The following DAB1 variants were observed in gnomAD, a reference collection of about 807,000 sequenced individuals.
DAB1 encodes the protein DAB adaptor protein 1.
DAB1 carries 15 observed loss-of-function variants against 64.6 expected under a neutral mutation model. That is an observed-to-expected ratio of 0.23 (90% CI 0.16 to 0.36). The LOEUF is 0.36. Ranked by LOEUF, DAB1 falls within the 10% of genes least tolerant of loss-of-function variation. The pLI is 1.00. For synonymous variants in DAB1, 235 were observed against 251.9 expected, an observed-to-expected ratio of 0.93 and a Z score of 0.64; for missense variants, 596 against 706.7, an observed-to-expected ratio of 0.84 and a Z score of 1.78.
At chr1:57,572,794 C>A (rs1570639470) in intron 7 of DAB1, among the ~76,000 whole-genome samples, 1 of 152,162 alleles carries the variant, frequency 6.6e-6, no homozygotes. Flanking sequence ...TCTAGGGAGG[C>A]CTCAGGAGGC....
chr1:57,503,213 G>A (rs1263822270), intron 7 of DAB1, among the ~76,000 whole-genome samples: 1 of 152,244 alleles, frequency 6.6e-6, no homozygotes, highest in Non-Finnish European at 1.5e-5. Context: ...ATAGGGTACT[G>A]TAGCCAAACT....
chr1:57,701,690 T>C (rs1646910134), intron 6 of DAB1, among the ~76,000 whole-genome samples: 1 of 150,626 alleles, frequency 6.6e-6, no homozygotes, highest in Admixed American at 6.6e-5. Flanking sequence ...ACTTAAAGTA[T>C]AATAATAATA....
chr1:57,149,891 C>T (rs1158510121), intron 2 of DAB1, among the ~76,000 whole-genome samples: 1 of 152,112 alleles, frequency 6.6e-6, no homozygotes, highest in Non-Finnish European at 1.5e-5. Context: ...CCTTCTTATG[C>T]CTTATGTCAT....
chr1:57,652,306 A>G (rs1235933289), intron 6 of DAB1, among the ~76,000 whole-genome samples: 4 of 151,968 alleles, frequency 2.6e-5, no homozygotes, highest in African/African-American at 9.7e-5. Flanking sequence ...CAGAAGGACC[A>G]TTTCTCACAC....
chr1:57,836,973 T>C (rs566872866), intron 1 of DAB1, among the ~76,000 whole-genome samples: 4 of 152,290 alleles, frequency 2.6e-5, no homozygotes, highest in African/African-American at 9.6e-5. Context: ...ACCAGAAACC[T>C]AGGAGTGATC....
intron 5 of DAB1, among the ~76,000 whole-genome samples, chr1:58,113,988 T>C (rs994032274): frequency 9.2e-5 from 14 of 151,912 alleles, no homozygotes; most frequent in African/African-American, 3.4e-4. Flanking sequence ...GGCTCACACC[T>C]GTAATTCCAG....
At chr1:57,253,538 G>A (rs1465203741) in intron 2 of DAB1, among the ~76,000 whole-genome samples, 3 of 152,074 alleles carry the variant, frequency 2.0e-5, no homozygotes, top group African/African-American at 4.8e-5. Flanking sequence ...CAGAGATAAC[G>A]AAGTTTGAAT....
At chr1:57,488,929 C>T (rs1163275501) in intron 7 of DAB1, among the ~76,000 whole-genome samples, 1 of 152,168 alleles carries the variant, frequency 6.6e-6, no homozygotes, top group Non-Finnish European at 1.5e-5. Context: ...TAAATTACAT[C>T]TCTTTTATTA....
chr1:57,897,598 T>C (rs1644410391), intron 5 of DAB1, among the ~76,000 whole-genome samples: 2 of 152,112 alleles, frequency 1.3e-5, no homozygotes, highest in South Asian at 2.1e-4. Flanking sequence ...TCCCTAATAT[T>C]ACAGCCTTAA....
At chr1:57,176,200 G>A (rs155316) in intron 2 of DAB1, among the ~76,000 whole-genome samples, 93,622 of 151,878 alleles carry the variant, frequency 0.62, 30,050 homozygotes, top group African/African-American at 0.8. Flanking sequence ...ATATCCTTCT[G>A]TATTGTATTA....
intron 2 of DAB1, among the ~76,000 whole-genome samples, chr1:57,275,768 A>G (rs1349675496): frequency 2.6e-5 from 4 of 152,270 alleles, no homozygotes; most frequent in South Asian, 2.1e-4. Flanking sequence ...AGGGGAGCCC[A>G]CTCCAAAGTC....
At chr1:58,167,521 G>A (rs918148189) in intron 4 of DAB1, among the ~76,000 whole-genome samples, 1 of 152,206 alleles carries the variant, frequency 6.6e-6, no homozygotes, top group Non-Finnish European at 1.5e-5. Flanking sequence ...GCAGGATGTG[G>A]GCAGGGTCAA....
chr1:57,994,294 T>C (rs2100384429), intron 5 of DAB1, among the ~76,000 whole-genome samples: 1 of 152,314 alleles, frequency 6.6e-6, no homozygotes, highest in East Asian at 1.9e-4. Flanking sequence ...ATTTTACTTT[T>C]TCCTTGAAAG....
intron 4 of DAB1, among the ~76,000 whole-genome samples, chr1:58,177,299 A>G (rs916148256): frequency 6.6e-6 from 1 of 152,192 alleles, no homozygotes; most frequent in African/African-American, 2.4e-5. Flanking sequence ...TTGTGTGTCC[A>G]GTGCCAGGCA....
At chr1:57,542,854 C>T (rs977581115) in intron 7 of DAB1, among the ~76,000 whole-genome samples, 5 of 152,140 alleles carry the variant, frequency 3.3e-5, no homozygotes, top group Admixed American at 6.6e-5. Flanking sequence ...TGATATGTCA[C>T]TTCTGAGATT....
intron 7 of DAB1, among the ~76,000 whole-genome samples, chr1:57,600,695 C>T (rs937487534): frequency 2.0e-5 from 3 of 152,076 alleles, no homozygotes; most frequent in Non-Finnish European, 4.4e-5. Context: ...TTAGCATAAG[C>T]ATTGTCATGT....
intron 4 of DAB1, among the ~76,000 whole-genome samples, chr1:58,259,344 C>CTTCT (rs34093699): frequency 0.3 from 45,358 of 151,850 alleles, 8,543 homozygotes; most frequent in Non-Finnish European, 0.43. Flanking sequence ...TCTGCCTGTA[C>CTTCT]TTCTGCCTTC....
At chr1:57,855,858 C>T (rs1653727726) in intron 1 of DAB1, among the ~76,000 whole-genome samples, 1 of 152,046 alleles carries the variant, frequency 6.6e-6, no homozygotes, top group Non-Finnish European at 1.5e-5. Flanking sequence ...CTGGAGAGAA[C>T]CAACTGCAGG....
rs147088561 is a variant in DAB1 at position 57,264,087 on chromosome 1, G to A, written c.67+26877C>T. ...TATCATGCTATACTCTTGACTTTTT[G>A]CATTAATCCATTTATTAATATGTCT... On this transcript the variant is annotated intron_variant, in intron 2 of 14. Coordinates refer to ENST00000371236, the MANE Select transcript of DAB1 (RefSeq NM_001365792.1). 2.0e-5 allele frequency among the ~76,000 whole-genome samples: 3 copies of A among 152,216 alleles called. No homozygotes were observed. The East Asian group carries it at 5.8e-4, about 29-fold the overall frequency.
Sources: gnomAD v4.1 joint callset for allele counts (sites outside exome capture counted in the v4.1 genomes callset) on GRCh38, gnomAD v4.1.1 for gene constraint, MANE v1.5 for transcripts, NCBI Gene and HGNC (gene_info 2026-07-23, HGNC 2026-07-21) for gene names.